Variants in RFX2 observed in about 807,000 individuals in gnomAD.
RFX2 encodes the protein regulatory factor X2.
RFX2 carries 20 observed loss-of-function variants against 87.8 expected under a neutral mutation model. That is an observed-to-expected ratio of 0.23 (90% CI 0.16 to 0.33). The LOEUF is 0.33. Among genes scored for constraint, RFX2 ranks in the 10% least tolerant of loss-of-function variants. The probability of loss-of-function intolerance (pLI) is 1.00; values close to 1 mark genes in which losing one functional copy is unlikely to be tolerated. For synonymous variants in RFX2, 397 were observed against 431.3 expected (o/e 0.92, Z 0.98); for missense variants, 767 against 1,012.3 (o/e 0.76, Z 3.29).
Position 6,002,841 on chromosome 19 carries a change from C to A in RFX2, c.1530G>T (p.Thr510=). ...KVGVVSAFAQ[T]LRRYTSLNHL... ...GGTTGAGGGACGTGTAGCGCCGCAGCGTCTGGGCGAAGGCACTGACGACGC... is the reference window on the plus strand; with the variant it reads ...GGTTGAGGGACGTGTAGCGCCGCAGAGTCTGGGCGAAGGCACTGACGACGC... The change falls in exon 14 of 18, where the codon ACG becomes ACT. Residue 510 remains threonine (T), a synonymous_variant. Coordinates refer to ENST00000303657, the MANE Select transcript of RFX2 (RefSeq NM_000635.4). The surrounding 1 kb of genome is among the most constrained non-coding windows in gnomAD (Gnocchi z 6.7). The A allele has an allele frequency of 3.7e-6, 6 of 1,611,542 alleles. No individual in the cohort carries two copies. The highest frequency in any genetic ancestry group is 5.1e-6 in the Non-Finnish European group (6 of 1,179,444).
intron 12 of RFX2, among the ~76,000 whole-genome samples, chr19:6,005,646 T>G (rs1476187528): frequency 6.6e-6 from 1 of 152,106 alleles, no homozygotes; most frequent in African/African-American, 2.4e-5. Context: ...CCAAGTCCTG[T>G]GGGAAATCAC....
rs1412982873 is a variant in RFX2, at chr19:5,995,675, G to A, written c.2014-32C>T. The A allele has an allele frequency of 5.2e-6, 8 of 1,549,456 alleles. No individual in the cohort carries two copies. In the African/African-American group the frequency reaches 9.6e-5, roughly 19 times the overall value. On this transcript the variant is annotated intron_variant, in intron 16 of 17. Transcript: ENST00000303657. The stretch of plus-strand genomic sequence containing the variant: ...GAGAAACCTGGAGTCAGGGGCGCCT[G>A]CAGAGGGGCGGCAGTTGCTGTTTGG...
rs2086691627 is a variant in RFX2 at position 6,013,894 on chromosome 19, A to G, written c.780-789T>C. Among the ~76,000 whole-genome samples the G allele has an allele frequency of 6.6e-6, 1 of 152,178 alleles. No homozygotes were observed. The highest frequency in any genetic ancestry group is 2.4e-5 in the African/African-American group (1 of 41,444). ...AGGCTCGGACAAGTCCTGTGCTGAGAACACCAGGTCAGCTTTGTTGAGCTC... is the reference window on the plus strand; with the variant it reads ...AGGCTCGGACAAGTCCTGTGCTGAGGACACCAGGTCAGCTTTGTTGAGCTC... On this transcript the variant is annotated intron_variant, in intron 7 of 17. Coordinates refer to ENST00000303657, the MANE Select transcript of RFX2 (RefSeq NM_000635.4). The surrounding 1 kb of genome is among the most constrained non-coding windows in gnomAD (Gnocchi z 4.1).
In RFX2 at chr19:6,004,130, T is replaced by G; in HGVS notation, c.1500+71A>C. On this transcript the variant is annotated intron_variant, in intron 13 of 17. Transcript: ENST00000303657. This position sits in a 1 kb window ranked among gnomAD's most constrained non-coding sequence, Gnocchi z 4.8. Reference sequence around the variant, plus strand: ...GCCAGCGCTCTCTGGGACACAGTGGTCCTCATGCTGTCCTGGACTGGAGCC... The same window carrying G: ...GCCAGCGCTCTCTGGGACACAGTGGGCCTCATGCTGTCCTGGACTGGAGCC... 8.8e-7 allele frequency: 1 copy of G among 1,135,872 alleles called. No homozygotes were observed. Among genetic ancestry groups the G allele is most frequent in the Non-Finnish European group, 1.3e-6 (1 of 744,962 alleles). 70.4% of individuals were successfully genotyped at this position (1,135,872 alleles called of 1,614,324 possible).
chr19:5,997,272 G>A lies in RFX2; in HGVS notation c.1860-59C>T, dbSNP rs2086426389. Reference sequence around the variant, plus strand: ...AGGGGAGCATGGAACCCGGGCCCCAGGCCAGACTTCATGGCAGCAACACAC... The same window carrying A: ...AGGGGAGCATGGAACCCGGGCCCCAAGCCAGACTTCATGGCAGCAACACAC... On this transcript the variant is annotated intron_variant, in intron 15 of 17. Transcript: ENST00000303657. The surrounding 1 kb of genome is among the most constrained non-coding windows in gnomAD (Gnocchi z 4.2). 9.2e-6 allele frequency: 14 copies of A among 1,524,746 alleles called. No individual in the cohort carries two copies. Among genetic ancestry groups the A allele is most frequent in the Non-Finnish European group, 1.2e-5 (14 of 1,137,072 alleles). The allele number at this position is 1,524,746 out of a possible 1,614,324, so 94.5% of individuals were successfully genotyped here.
intron 17 of RFX2, 103 bp downstream of exon 17, chr19:5,995,498 C>A: frequency 8.4e-7 from 1 of 1,188,808 alleles, no homozygotes; most frequent in Non-Finnish European, 1.2e-6. Flanking sequence ...CAAGGGGCTG[C>A]CCGCATTTCC....
At chr19:6,000,151 A>AT (rs2086472295) in intron 15 of RFX2, among the ~76,000 whole-genome samples, 2 of 151,958 alleles carry the variant, frequency 1.3e-5, no homozygotes, top group Non-Finnish European at 2.9e-5. Context: ...CGCCTGACTA[A>AT]TTTTTATATT....
intron 5 of RFX2, among the ~76,000 whole-genome samples, chr19:6,030,560 A>C (rs576884659): frequency 2.6e-5 from 4 of 152,320 alleles, no homozygotes; most frequent in African/African-American, 9.6e-5. Context: ...AAATCCCTAG[A>C]GACAGAAAGC....
chr19:6,109,131 C>T (rs940419708), intron 1 of RFX2, among the ~76,000 whole-genome samples: 14 of 151,316 alleles, frequency 9.3e-5, no homozygotes, highest in African/African-American at 3.4e-4. Context: ...GGAGAAAATG[C>T]CTGGAGCAGT....
rs2086376502 is a variant in RFX2 at position 5,994,535 on chromosome 19, G to A, written c.*300C>T. 1 of 395,012 alleles carries A rather than the reference G, an allele frequency of 2.5e-6. No individual in the cohort carries two copies. The highest frequency in any genetic ancestry group is 4.6e-6 in the Non-Finnish European group (1 of 215,424). The allele number at this position is 395,012 out of a possible 1,614,324, so 24.5% of individuals were successfully genotyped here. A position where few individuals can be genotyped will look rare whatever the true frequency, so the allele number is the denominator to read the frequency against. On this transcript the variant is annotated 3_prime_UTR_variant, in exon 18 of 18. Coordinates refer to ENST00000303657, the MANE Select transcript of RFX2 (RefSeq NM_000635.4). ...AAAGGGACTGGGGCCAAAGTCCAGG[G>A]TTCCAGCAGAGGAGGGTTTGTCCAG...
intron 1 of RFX2, among the ~76,000 whole-genome samples, chr19:6,070,178 G>GT (rs2087583142): frequency 2.8e-5 from 1 of 35,314 alleles, no homozygotes. Context: ...TGAATGGGAT[G>GT]GGATGGGATG....
chr19:6,008,435 C>T (rs1263810886), intron 9 of RFX2, among the ~76,000 whole-genome samples: 2 of 150,926 alleles, frequency 1.3e-5, no homozygotes, highest in East Asian at 3.9e-4. Context: ...TGCAGTGGCA[C>T]GATCTCGGTT....
At chr19:6,085,376 G>A (rs1173623992) in intron 1 of RFX2, among the ~76,000 whole-genome samples, 3 of 152,200 alleles carry the variant, frequency 2.0e-5, no homozygotes, top group African/African-American at 7.2e-5. Flanking sequence ...ATGATAACTG[G>A]TATGAAGCAC....
In RFX2 at chr19:6,007,908, G is replaced by A; in HGVS notation, c.1135-106C>T. 1.1e-6 allele frequency: 1 copy of A among 877,018 alleles called. No homozygotes were observed. The highest frequency in any genetic ancestry group is 1.5e-5 in the South Asian group (1 of 66,884). 54.3% of individuals were successfully genotyped at this position (877,018 alleles called of 1,614,324 possible). On this transcript the variant is annotated intron_variant, in intron 10 of 17. Coordinates refer to ENST00000303657, the MANE Select transcript of RFX2 (RefSeq NM_000635.4). The surrounding 1 kb of genome is among the most constrained non-coding windows in gnomAD (Gnocchi z 8.2). ...GATCCGGGCTACAGCGGGGTGCCCT[G>A]GAATCCCAAGGGAGGCCACAGAGAG... is the stretch of plus-strand genomic sequence containing the variant.
chr19:6,037,694 TATAA>T (rs1460422504), intron 5 of RFX2, among the ~76,000 whole-genome samples: 1 of 152,226 alleles, frequency 6.6e-6, no homozygotes, highest in African/African-American at 2.4e-5. Context: ...TTTGAGTTTA[TATAA>T]ATAGTCAACG....
At chr19:6,006,015 A>G (rs2086574825) in intron 12 of RFX2, among the ~76,000 whole-genome samples, 1 of 152,176 alleles carries the variant, frequency 6.6e-6, no homozygotes, top group South Asian at 2.1e-4. Context: ...CCTTCTAGAA[A>G]GCACCGAGCC....
At chr19:6,038,414 T>C (rs891560622) in intron 5 of RFX2, among the ~76,000 whole-genome samples, 8 of 151,196 alleles carry the variant, frequency 5.3e-5, no homozygotes, top group African/African-American at 1.9e-4. Flanking sequence ...CTTCATAATG[T>C]GCAAATAGGC....
At position 5,994,898 on chromosome 19, in the gene RFX2, G is replaced by A. The variant is rs1485217777; in HGVS notation, c.2109C>T (p.Ser703=). Residue 703 remains serine (S), a synonymous_variant, in exon 18 of 18, where the codon AGC becomes AGT. Coordinates refer to ENST00000303657, the MANE Select transcript of RFX2 (RefSeq NM_000635.4). ...RGSEAGPDAR[S]LGEPLVKRER... Reference sequence around the variant, plus strand: ...CCCGCTTTACCAGGGGCTCACCCAGGCTGCGGGCGTCTGGGCCCGCCTCGC... The same window carrying A: ...CCCGCTTTACCAGGGGCTCACCCAGACTGCGGGCGTCTGGGCCCGCCTCGC... The A allele has an allele frequency of 1.2e-6, 2 of 1,610,108 alleles. No homozygotes were observed. Among genetic ancestry groups the A allele is most frequent in the Admixed American group, 1.7e-5 (1 of 60,002 alleles).
rs548767564 is a variant in RFX2 at position 6,040,162 on chromosome 19, C to T, written c.340G>A (p.Gly114Ser). The T allele has an allele frequency of 1.3e-5, 21 of 1,600,740 alleles. No homozygotes were observed. Among genetic ancestry groups the T allele is most frequent in the African/African-American group, 6.7e-5 (5 of 74,804 alleles). Reference sequence around the variant, plus strand: ...GAGGCTGCCACGGTCACCTGGGCACCGCCTGGGGCCTCGAAGTAAGAAGCC... The same window carrying T: ...GAGGCTGCCACGGTCACCTGGGCACTGCCTGGGGCCTCGAAGTAAGAAGCC... Reference protein sequence around the residue: ...STASYFEAPGGAQVTVAASSP... With the variant: ...STASYFEAPGSAQVTVAASSP... Residue 114 changes from glycine (G) to serine (S), a missense_variant, in exon 5 of 18, where the codon GGT (glycine) becomes AGT (serine). Physicochemically the swap from Gly to Ser is moderately conservative, Grantham distance 56 (BLOSUM62 0). Around this residue, in one of 2 missense-constraint regions of RFX2, gnomAD observed 621 missense variants for 873.0 expected, o/e 0.71. Coordinates refer to ENST00000303657, the MANE Select transcript of RFX2 (RefSeq NM_000635.4). This position sits in a 1 kb window ranked among gnomAD's most constrained non-coding sequence, Gnocchi z 6.1.
Sources: allele counts gnomAD v4.1 joint callset (sites outside exome capture counted in the v4.1 genomes callset), GRCh38; gene constraint gnomAD v4.1.1; regional missense constraint gnomAD v4.1.1; non-coding constraint Gnocchi (gnomAD v3.1); transcripts MANE v1.5; gene names NCBI Gene and HGNC (gene_info 2026-07-23, HGNC 2026-07-21).